Variants in PTPRQ observed in about 807,000 individuals in gnomAD.
PTPRQ encodes protein tyrosine phosphatase receptor type Q, also known as phosphatidylinositol phosphatase PTPRQ.
Under a neutral mutation model 246.0 loss-of-function variants are expected in PTPRQ, and 199 were observed. The observed-to-expected ratio is 0.81, with a 90% CI of 0.72 to 0.91. PTPRQ has a LOEUF of 0.91. PTPRQ is among the 40% of genes least tolerant of loss of function. PTPRQ has a pLI of 0.00. For synonymous variants in PTPRQ, 869 were observed against 853.2 expected (o/e 1.02, Z -0.32); for missense variants, 2,624 against 2,528.4 (o/e 1.04, Z -0.81).
At chr12:80,674,616 T>TGTAA (rs1293168858) in intron 43 of PTPRQ, among the ~76,000 whole-genome samples, 14 of 152,218 alleles carry the variant, frequency 9.2e-5, no homozygotes, top group Admixed American at 4.6e-4. Context: ...AAATGTAGAT[T>TGTAA]ATTTAGTTAT....
chr12:80,533,337 C>T (rs11835681), intron 17 of PTPRQ, among the ~76,000 whole-genome samples: 2,905 of 151,644 alleles, frequency 0.019, 93 homozygotes, highest in African/African-American at 0.067. Context: ...TTGATATGTA[C>T]TTGGAGAGTT....
chr12:80,552,395 C>T (rs1006581815), intron 25 of PTPRQ, among the ~76,000 whole-genome samples: 10 of 151,884 alleles, frequency 6.6e-5, no homozygotes, highest in Admixed American at 6.6e-5. Context: ...AATAAAATTA[C>T]AGGACAACAT....
chr12:80,487,410 C>T (rs546513151), intron 9 of PTPRQ, among the ~76,000 whole-genome samples: 15 of 152,158 alleles, frequency 9.9e-5, no homozygotes, highest in African/African-American at 3.1e-4. Flanking sequence ...GCCTAAAGAG[C>T]GGCTGACTTG....
rs1195593420 is a variant in PTPRQ, at chr12:80,673,166, T to G, written c.6603-3T>G. ...ATTTTCATGTAATTTACCCTTCCTGTAGTGCTGGAGTTGGAAGAACTGGAG... is the reference window on the plus strand; with the variant it reads ...ATTTTCATGTAATTTACCCTTCCTGGAGTGCTGGAGTTGGAAGAACTGGAG... On this transcript the variant is annotated splice_polypyrimidine_tract_variant and splice_region_variant and intron_variant, in intron 42 of 44. Coordinates refer to ENST00000644991, the MANE Select transcript of PTPRQ (RefSeq NM_001145026.2). 39 of 1,550,230 alleles carry G rather than the reference T, an allele frequency of 2.5e-5. No homozygotes were observed. The East Asian group carries it at 9.0e-4, about 36-fold the overall frequency.
intron 17 of PTPRQ, among the ~76,000 whole-genome samples, chr12:80,515,416 G>C (rs1228961102): frequency 1.4e-5 from 2 of 146,662 alleles, no homozygotes; most frequent in Non-Finnish European, 3.0e-5. Flanking sequence ...ACATTTATTT[G>C]AATATTTCCT....
chr12:80,618,259 G>C (rs977848781), intron 30 of PTPRQ, among the ~76,000 whole-genome samples: 2 of 150,942 alleles, frequency 1.3e-5, no homozygotes, highest in Non-Finnish European at 3.0e-5. Context: ...AAACAATGTT[G>C]ATAATCCTGT....
At chr12:80,558,491 T>C (rs1440426291) in intron 25 of PTPRQ, among the ~76,000 whole-genome samples, 1 of 151,360 alleles carries the variant, frequency 6.6e-6, no homozygotes, top group Admixed American at 6.6e-5. Context: ...TTTTTTCTTT[T>C]TGGTATGGAT....
intron 25 of PTPRQ, among the ~76,000 whole-genome samples, chr12:80,578,657 T>C (rs1897342892): frequency 6.6e-6 from 1 of 152,064 alleles, no homozygotes; most frequent in Non-Finnish European, 1.5e-5. Flanking sequence ...CCTCCCAAAG[T>C]GCTGGGATTA....
intron 30 of PTPRQ, among the ~76,000 whole-genome samples, chr12:80,617,552 A>G (rs1177544950): frequency 1.3e-5 from 2 of 151,308 alleles, no homozygotes; most frequent in Non-Finnish European, 3.0e-5. Flanking sequence ...AGGTGTACAG[A>G]TAGCAATACA....
rs1490605928 is a variant in PTPRQ at position 80,495,305 on chromosome 12, G to A, written c.1816G>A (p.Ala606Thr). ...AAAAATAACTCACTATACGATTTAT[G>A]CAATGGAATTGGATACAAACAGAGC... ...NGKITHYTIY[A>T]MELDTNRAFQ... Residue 606 changes from alanine (A) to threonine (T), a missense_variant, in exon 12 of 45, where the codon GCA (alanine) becomes ACA (threonine). Transcript: ENST00000644991. 4 of 1,545,328 alleles carry A rather than the reference G, an allele frequency of 2.6e-6. No individual in the cohort carries two copies. Among genetic ancestry groups the A allele is most frequent in the Non-Finnish European group, 2.6e-6 (3 of 1,145,046 alleles).
intron 17 of PTPRQ, among the ~76,000 whole-genome samples, chr12:80,522,158 CTGTT>C (rs1192135384): frequency 6.6e-6 from 1 of 152,038 alleles, no homozygotes; most frequent in African/African-American, 2.4e-5. Context: ...ATTTGGCTAT[CTGTT>C]TGTCTGTTAT....
intron 40 of PTPRQ, 85 bp downstream of exon 40, chr12:80,669,226 A>G (rs764584812): frequency 3.3e-5 from 50 of 1,527,628 alleles, no homozygotes; most frequent in Non-Finnish European, 4.4e-5. Flanking sequence ...ACTGTGAGTC[A>G]TCAATAACCT....
intron 17 of PTPRQ, among the ~76,000 whole-genome samples, chr12:80,510,751 G>C (rs1019421228): frequency 5.3e-5 from 8 of 152,236 alleles, no homozygotes; most frequent in African/African-American, 1.9e-4. Flanking sequence ...TTACACTTCT[G>C]AAGTTTTACA....
At chr12:80,600,477 T>C (rs1054800255) in intron 26 of PTPRQ, among the ~76,000 whole-genome samples, 1 of 151,814 alleles carries the variant, frequency 6.6e-6, no homozygotes, top group Admixed American at 6.6e-5. Flanking sequence ...GAAGCCATTA[T>C]AGAGCAGAGA....
At chr12:80,517,804 T>C (rs1895350796) in intron 17 of PTPRQ, among the ~76,000 whole-genome samples, 1 of 152,130 alleles carries the variant, frequency 6.6e-6, no homozygotes, top group Admixed American at 6.5e-5. Flanking sequence ...ATGACCATGA[T>C]GGCATCTCAT....
In PTPRQ at chr12:80,484,289, G is replaced by A. The variant is rs2120609399; in HGVS notation, c.1187-144G>A. The A allele has an allele frequency of 2.9e-6, 3 of 1,039,182 alleles. No homozygotes were observed. The South Asian group carries it at 5.3e-5, about 18-fold the overall frequency. 64.4% of individuals were successfully genotyped at this position (1,039,182 alleles called of 1,614,324 possible). ...CCCAAAGTGCTGGGATTACAGCCAT[G>A]AGCCACCGCACCTAGCCTAGTCTGT... is the stretch of plus-strand genomic sequence containing the variant. On this transcript the variant is annotated intron_variant, in intron 8 of 44. Transcript: ENST00000644991.
At position 80,517,873 on chromosome 12, in the gene PTPRQ, G is replaced by A. The variant is rs1010268526; in HGVS notation, c.2678+7430G>A. The stretch of plus-strand genomic sequence containing the variant: ...ATAGATGTACCACATTTTCTTTATC[G>A]AGTCAACCATTGATGGACATTTTGG... On this transcript the variant is annotated intron_variant, in intron 17 of 44. Transcript: ENST00000644991. 6.6e-5 allele frequency among the ~76,000 whole-genome samples: 10 copies of A among 151,960 alleles called. No homozygotes were observed. The South Asian group carries it at 1.0e-3, about 16-fold the overall frequency.
At chr12:80,612,416 A>G (rs1244826805) in intron 28 of PTPRQ, among the ~76,000 whole-genome samples, 1 of 150,468 alleles carries the variant, frequency 6.6e-6, no homozygotes. Flanking sequence ...AAAAATGACA[A>G]CATAAGTTTT....
At chr12:80,483,495 G>A (rs527715872) in intron 8 of PTPRQ, among the ~76,000 whole-genome samples, 94 of 151,464 alleles carry the variant, frequency 6.2e-4, no homozygotes, top group African/African-American at 2.3e-3. Context: ...CCTGCACAAT[G>A]TGCACATGTA....
Sources: gnomAD v4.1 joint callset for allele counts (sites outside exome capture counted in the v4.1 genomes callset) on GRCh38, gnomAD v4.1.1 for gene constraint, MANE v1.5 for transcripts, NCBI Gene and HGNC (gene_info 2026-07-23, HGNC 2026-07-21) for gene names.